The following FANCE variants were observed in gnomAD, a reference collection of about 807,000 sequenced individuals.
FANCE encodes Fanconi anemia group E protein.
In FANCE, 42 loss-of-function variants were observed where a neutral mutation model predicts 57.8. That is an observed-to-expected ratio of 0.73 (90% CI 0.57 to 0.94). FANCE has a LOEUF of 0.94. Among genes scored for constraint, FANCE ranks in the 40% least tolerant of loss-of-function variants. The pLI is 0.00. For missense variants in FANCE, 608 were observed against 661.8 expected, an observed-to-expected ratio of 0.92 and a Z score of 0.89; for synonymous variants, 251 against 286.4, an observed-to-expected ratio of 0.88 and a Z score of 1.25.
chr6:35,452,836 G>T (rs971658692), intron 1 of FANCE, 43 bp downstream of exon 1: 1 of 1,282,396 alleles, frequency 7.8e-7, no homozygotes, highest in Non-Finnish European at 9.9e-7. Context: ...TGGGAGGCGG[G>T]GGGCTGTCGG....
intron 5 of FANCE, among the ~76,000 whole-genome samples, 164 bp downstream of exon 5, chr6:35,458,604 T>C (rs1482036353): frequency 6.6e-6 from 1 of 150,992 alleles, no homozygotes; most frequent in African/African-American, 2.4e-5. Flanking sequence ...TGGCAGGGCA[T>C]GGACCCCCAG....
Position 35,459,395 on chromosome 6 carries a change from A to T in FANCE, c.1178A>T (p.Lys393Ile). 6.2e-7 allele frequency: 1 copy of T among 1,613,950 alleles called. No homozygotes were observed. Among genetic ancestry groups the T allele is most frequent in the South Asian group, 1.1e-5 (1 of 91,070 alleles). Residue 393 changes from lysine (K) to isoleucine (I), a missense_variant, in exon 6 of 10, where the codon AAA becomes ATA. Lys to Ile is a moderately radical substitution (Grantham distance 102). Transcript: ENST00000229769. ...ACTGCCCTGACCTCCTTCTGTGCCAAATATACATACCCTGTCTGCAGCGCC... is the reference window on the plus strand; with the variant it reads ...ACTGCCCTGACCTCCTTCTGTGCCATATATACATACCCTGTCTGCAGCGCC... ...LTTALTSFCAKYTYPVCSALL... is the reference protein window; with the variant it reads ...LTTALTSFCAIYTYPVCSALL...
In FANCE at chr6:35,459,338, C is replaced by T; in HGVS notation, c.1121C>T (p.Ser374Phe). The T allele has an allele frequency of 6.2e-7, 1 of 1,614,058 alleles. No homozygotes were observed. Among genetic ancestry groups the T allele is most frequent in the Non-Finnish European group, 8.5e-7 (1 of 1,180,028 alleles). The stretch of plus-strand genomic sequence containing the variant: ...CCTCCCTGTTGGCTGTAGATCCTCT[C>T]CTTGACTTCCTCAGCCTCCCGCCTG... ...TRSLFLGRIL[S>F]LTSSASRLLT... The change falls in exon 6 of 10, where the codon TCC becomes TTC. Residue 374 changes from serine (S) to phenylalanine (F), a missense_variant. By Grantham distance (155) the Ser-to-Phe change is radical. Transcript: ENST00000229769.
At position 35,462,842 on chromosome 6, in the gene FANCE, G is replaced by A; in HGVS notation, c.1437G>A (p.Lys479=). The A allele has an allele frequency of 6.2e-7, 1 of 1,614,194 alleles. No homozygotes were observed. Among genetic ancestry groups the A allele is most frequent in the African/African-American group, 1.3e-5 (1 of 75,042 alleles). The part of the protein sequence containing the change: ...FSVLMEKLCK[K]GLAATTSMAY... ...TCTTAATGGAGAAGCTCTGTAAAAAGGGGCTGGCAGCCACCACCTCCATGG... is the reference window on the plus strand; with the variant it reads ...TCTTAATGGAGAAGCTCTGTAAAAAAGGGCTGGCAGCCACCACCTCCATGG... The change falls in exon 9 of 10, where the codon AAG becomes AAA. Residue 479 remains lysine (K), a synonymous_variant. Transcript: ENST00000229769.
At chr6:35,464,394 T>C (rs9394298) in intron 9 of FANCE, among the ~76,000 whole-genome samples, 49,647 of 151,028 alleles carry the variant, frequency 0.33, 14,160 homozygotes, top group African/African-American at 0.77. Flanking sequence ...CGCGCCACCA[T>C]GCCCGGCTAA....
chr6:35,456,296 G>A lies in FANCE; in HGVS notation c.798G>A (p.Ser266=), dbSNP rs746542545. The A allele has an allele frequency of 6.2e-6, 10 of 1,614,066 alleles. No individual in the cohort carries two copies. The highest frequency in any genetic ancestry group is 3.3e-5 in the South Asian group (3 of 91,086). Residue 266 remains serine (S), a synonymous_variant, in exon 2 of 10, where the codon TCG becomes TCA. Coordinates refer to ENST00000229769, the MANE Select transcript of FANCE (RefSeq NM_021922.3). This position sits in a 1 kb window ranked among gnomAD's most constrained non-coding sequence, Gnocchi z 4.3. ...VMAVKTGEDG[S]NLDDAKGLAE... is the part of the protein sequence containing the mutation. The stretch of plus-strand genomic sequence containing the variant: ...CAGTTAAGACTGGCGAGGACGGTTC[G>A]AATCTGGATGATGCTAAAGGTCTGG...
At chr6:35,455,377 G>A (rs542381814) in intron 1 of FANCE, among the ~76,000 whole-genome samples, 3 of 151,504 alleles carry the variant, frequency 2.0e-5, no homozygotes, top group South Asian at 2.1e-4. Context: ...GCATGATCTC[G>A]GCTCACTGCA....
rs1045892220 is a variant in FANCE at position 35,452,616 on chromosome 6, C to G, written c.71C>G (p.Ala24Gly). The G allele has an allele frequency of 1.6e-6, 2 of 1,284,060 alleles. No individual in the cohort carries two copies. The highest frequency in any genetic ancestry group is 2.0e-6 in the Non-Finnish European group (2 of 1,016,328). 79.5% of individuals were successfully genotyped at this position (1,284,060 alleles called of 1,614,324 possible). A position where few individuals can be genotyped will look rare whatever the true frequency, so the allele number is the denominator to read the frequency against. ...CCGGCGCCCTGGGCGCAGCTGGAGG[C>G]CCCCGCCCGCCTCCTGCTGCAGGCG... ...VEPAPWAQLE[A>G]PARLLLQALQ... Residue 24 changes from alanine (A) to glycine (G), a missense_variant, in exon 1 of 10, where the codon GCC (alanine) becomes GGC (glycine). Physicochemically the swap from Ala to Gly is moderately conservative, Grantham distance 60. Coordinates refer to ENST00000229769, the MANE Select transcript of FANCE (RefSeq NM_021922.3).
intron 8 of FANCE, among the ~76,000 whole-genome samples, chr6:35,462,265 G>A (rs1289549413): frequency 3.3e-5 from 5 of 151,806 alleles, no homozygotes; most frequent in Non-Finnish European, 7.4e-5. Flanking sequence ...GCACCACCAC[G>A]CCCGGCTAAT....
At chr6:35,459,563 C>T in intron 6 of FANCE, 109 bp downstream of exon 6, 2 of 1,581,350 alleles carry the variant, frequency 1.3e-6, no homozygotes, top group East Asian at 2.2e-5. Flanking sequence ...ATTAAAGATG[C>T]CTGCTGCTTC....
At position 35,452,569 on chromosome 6, in the gene FANCE, C is replaced by T; in HGVS notation, c.24C>T (p.Leu8=). Residue 8 remains leucine (L), a synonymous_variant, in exon 1 of 10, where the codon CTC becomes CTT. Coordinates refer to ENST00000229769, the MANE Select transcript of FANCE (RefSeq NM_021922.3). MATPDAG[L]PGAEGVEPAP... ...GCATGGCGACACCGGACGCGGGGCT[C>T]CCTGGGGCTGAGGGCGTGGAGCCGG... 7.5e-7 allele frequency: 1 copy of T among 1,334,908 alleles called. No homozygotes were observed. Among genetic ancestry groups the T allele is most frequent in the Non-Finnish European group, 9.6e-7 (1 of 1,038,526 alleles). The allele number at this position is 1,334,908 out of a possible 1,614,324, so 82.7% of individuals were successfully genotyped here.
chr6:35,462,927 A>G lies in FANCE; in HGVS notation c.1509+13A>G, dbSNP rs377031101. 31 of 1,613,920 alleles carry G rather than the reference A, an allele frequency of 1.9e-5. No homozygotes were observed. The African/African-American group carries it at 3.3e-4, about 17-fold the overall frequency. On this transcript the variant is annotated intron_variant, in intron 9 of 9. Coordinates refer to ENST00000229769, the MANE Select transcript of FANCE (RefSeq NM_021922.3). ...GTATCAGGCTAACGTGAGTATTGATAGGGCCTTGGGGCTGGTCCTGCTGGC... is the reference window on the plus strand; with the variant it reads ...GTATCAGGCTAACGTGAGTATTGATGGGGCCTTGGGGCTGGTCCTGCTGGC...
chr6:35,459,760 G>C lies in FANCE; in HGVS notation c.1316G>C (p.Gly439Ala). The C allele has an allele frequency of 6.2e-7, 1 of 1,613,868 alleles. No individual in the cohort carries two copies. The highest frequency in any genetic ancestry group is 1.1e-5 in the South Asian group (1 of 91,080). ...LEPDAQVLML[G>A]QILELPWKEE... ...CCAGATGCACAGGTTCTAATGCTGG[G>C]GTGAGTGTGCAGGCCTCCGTGCTGT... Residue 439 changes from glycine to alanine, a missense_variant and splice_region_variant, in exon 7 of 10, where the codon GGA becomes GCA. Gly to Ala is a moderately conservative substitution (Grantham distance 60). Transcript: ENST00000229769.
intron 5 of FANCE, among the ~76,000 whole-genome samples, chr6:35,458,655 T>A (rs1053044990): frequency 6.6e-6 from 1 of 151,554 alleles, no homozygotes; most frequent in Non-Finnish European, 1.5e-5. Context: ...TTTTTTTTTT[T>A]GAGAGAGAGT....
chr6:35,456,057 G>A lies in FANCE; in HGVS notation c.559G>A (p.Glu187Lys), dbSNP rs142746353. The stretch of plus-strand genomic sequence containing the variant: ...GAAATCCCCCCAGGCTCCAGACCCT[G>A]AAGAAGAGGAGAACAGGGACTCCCA... ...RLKSPQAPDP[E>K]EEENRDSQQP... The change falls in exon 2 of 10, where the codon GAA becomes AAA. Residue 187 changes from glutamate to lysine, a missense_variant. Coordinates refer to ENST00000229769, the MANE Select transcript of FANCE (RefSeq NM_021922.3). The surrounding 1 kb of genome is among the most constrained non-coding windows in gnomAD (Gnocchi z 4.3). 151 of 1,613,360 alleles carry A rather than the reference G, an allele frequency of 9.4e-5. No individual in the cohort carries two copies. Among genetic ancestry groups the A allele is most frequent in the African/African-American group, 1.6e-4 (12 of 74,910 alleles).
chr6:35,466,194 C>T lies in FANCE; in HGVS notation c.1510-50C>T, dbSNP rs769867939. ...TAGAGCCCCTGGGGTAGTCGGGAGA[C>T]GGGAGGGATCAGTTGCTGGAGTCCT... On this transcript the variant is annotated intron_variant, in intron 9 of 9. Coordinates refer to ENST00000229769, the MANE Select transcript of FANCE (RefSeq NM_021922.3). The T allele has an allele frequency of 1.5e-4, 174 of 1,190,852 alleles. 1 individual carries two copies. The highest frequency in any genetic ancestry group is 3.8e-4 in the South Asian group (31 of 82,460). 73.8% of individuals were successfully genotyped at this position (1,190,852 alleles called of 1,614,324 possible).
intron 7 of FANCE, among the ~76,000 whole-genome samples, chr6:35,460,305 G>A (rs1034183355): frequency 2.0e-5 from 3 of 152,154 alleles, no homozygotes; most frequent in African/African-American, 4.8e-5. Context: ...TAGTAGAGAC[G>A]GGATTTCACC....
chr6:35,456,411 A>T lies in FANCE; in HGVS notation c.855+58A>T, dbSNP rs3800377. ...TCTTTCAGCAGTGGTGGCTTTATCCATGGGGAAGGCTGCTTGGGACACTTT... is the reference window on the plus strand; with the variant it reads ...TCTTTCAGCAGTGGTGGCTTTATCCTTGGGGAAGGCTGCTTGGGACACTTT... On this transcript the variant is annotated intron_variant, in intron 2 of 9. Coordinates refer to ENST00000229769, the MANE Select transcript of FANCE (RefSeq NM_021922.3). This position sits in a 1 kb window ranked among gnomAD's most constrained non-coding sequence, Gnocchi z 4.3. The T allele has an allele frequency of 3.2e-5, 52 of 1,611,814 alleles. No homozygotes were observed. The highest frequency in any genetic ancestry group is 4.4e-5 in the South Asian group (4 of 90,942).
Position 35,457,999 on chromosome 6 carries a change from C to G in FANCE, c.969+15C>G, listed in dbSNP as rs1330852705. The G allele has an allele frequency of 6.2e-7, 1 of 1,606,422 alleles. No individual in the cohort carries two copies. The highest frequency in any genetic ancestry group is 1.1e-5 in the South Asian group (1 of 90,922). ...GTCCCAGCCAGGTGAGTCCAGATGA[C>G]TGCCTGGCTCTGAGGTTACATTCTC... On this transcript the variant is annotated intron_variant, in intron 4 of 9. Transcript: ENST00000229769.
Sources: gnomAD v4.1 joint callset for allele counts (sites outside exome capture counted in the v4.1 genomes callset) on GRCh38, gnomAD v4.1.1 for gene constraint, Gnocchi (gnomAD v3.1) non-coding constraint, MANE v1.5 for transcripts, NCBI Gene and HGNC (gene_info 2026-07-23, HGNC 2026-07-21) for gene names.